The following PASD1 variants were observed in gnomAD, a reference collection of about 807,000 sequenced individuals.
The protein encoded by PASD1 is circadian clock protein PASD1.
A neutral mutation model predicts 58.8 loss-of-function variants in PASD1; 13 were observed. The ratio of observed to expected loss-of-function variants is 0.22; its 90% CI spans 0.14 to 0.35. The LOEUF is 0.35. Ranked by LOEUF, PASD1 falls within the 10% of genes least tolerant of loss-of-function variation. The pLI is 1.00. For missense variants in PASD1, 734 were observed against 568.3 expected (o/e 1.29, Z -2.96); for synonymous variants, 236 against 216.7 (o/e 1.09, Z -0.78).
At chrX:151,665,927 T>C (rs961235228) in intron 11 of PASD1, among the ~76,000 whole-genome samples, 3 of 106,819 alleles carry the variant, frequency 2.8e-5, no homozygotes, top group Non-Finnish European at 5.8e-5. Flanking sequence ...GTCTAATGAA[T>C]GTCTGCTTTC....
At chrX:151,571,601 G>A (rs752593831) in intron 1 of PASD1, among the ~76,000 whole-genome samples, 4 of 112,231 alleles carry the variant, frequency 3.6e-5, no homozygotes, top group African/African-American at 6.5e-5. Flanking sequence ...TCATCTGTCC[G>A]ACTCATGTCT....
chrX:151,589,324 A>G (rs988578703), intron 1 of PASD1, among the ~76,000 whole-genome samples: 15 of 111,749 alleles, frequency 1.3e-4, no homozygotes, highest in Admixed American at 5.7e-4. Context: ...GGCCCACTGC[A>G]TGGAGATTGG....
chrX:151,630,304 C>T (rs778198114), intron 8 of PASD1, among the ~76,000 whole-genome samples: 1 of 111,791 alleles, frequency 8.9e-6, no homozygotes, highest in South Asian at 3.8e-4. Flanking sequence ...GCCCACTAAC[C>T]TGAACTCTGT....
At chrX:151,588,925 C>G (rs2013207693) in intron 1 of PASD1, among the ~76,000 whole-genome samples, 1 of 111,971 alleles carries the variant, frequency 8.9e-6, no homozygotes, top group Non-Finnish European at 1.9e-5. Context: ...GCTGAAGATT[C>G]ATTCCAGCCA....
At chrX:151,642,891 A>G (rs938393891) in intron 8 of PASD1, among the ~76,000 whole-genome samples, 1 of 111,344 alleles carries the variant, frequency 9.0e-6, no homozygotes, top group African/African-American at 3.3e-5. Flanking sequence ...GGAACTTGCA[A>G]TGGGGAAAAG....
intron 8 of PASD1, among the ~76,000 whole-genome samples, chrX:151,647,278 A>G (rs1409162481): frequency 8.9e-6 from 1 of 111,913 alleles, no homozygotes; most frequent in Non-Finnish European, 1.9e-5. Context: ...AGGTACCAGC[A>G]TTTATGATGT....
At chrX:151,605,706 C>T (rs1372439255) in intron 3 of PASD1, among the ~76,000 whole-genome samples, 1 of 110,612 alleles carries the variant, frequency 9.0e-6, no homozygotes, top group East Asian at 2.8e-4. Flanking sequence ...CCAAGCAATT[C>T]CCCCAACTCA....
chrX:151,583,366 A>G (rs1456751354), intron 1 of PASD1, among the ~76,000 whole-genome samples: 2 of 111,947 alleles, frequency 1.8e-5, no homozygotes, highest in Non-Finnish European at 3.8e-5. Flanking sequence ...TATAAATCTA[A>G]ATTCACTAAC....
intron 1 of PASD1, among the ~76,000 whole-genome samples, chrX:151,596,488 C>G (rs1463080162): frequency 8.9e-6 from 1 of 112,391 alleles, no homozygotes; most frequent in African/African-American, 3.2e-5. Flanking sequence ...TCCAGCATTG[C>G]CTCTTTTTAA....
chrX:151,633,148 A>G (rs2124282329), intron 8 of PASD1, among the ~76,000 whole-genome samples: 1 of 111,098 alleles, frequency 9.0e-6, no homozygotes, highest in South Asian at 3.9e-4. Flanking sequence ...AAGCCAGTAC[A>G]TTTGAAACCT....
Position 151,671,754 on chromosome X carries a change from A to G in PASD1, c.1412A>G (p.Gln471Arg), listed in dbSNP as rs758863642. 1.7e-6 allele frequency: 2 copies of G among 1,206,722 alleles called. No homozygotes were observed. The highest frequency in any genetic ancestry group is 3.0e-5 in the East Asian group (1 of 33,745). The stretch of plus-strand genomic sequence containing the variant: ...TCTCTCAAAAACACTGGGGAGCTTC[A>G]GGAGCCTTGTGTTGCCTTCAACCAG... ...SNSLKNTGEL[Q>R]EPCVAFNQQQ... Residue 471 changes from glutamine to arginine, a missense_variant, in exon 13 of 16, where the codon CAG (glutamine) becomes CGG (arginine). By Grantham distance (43) the Gln-to-Arg change is conservative. Transcript: ENST00000370357.
chrX:151,610,279 T>C (rs760234308), intron 3 of PASD1, among the ~76,000 whole-genome samples: 43 of 111,707 alleles, frequency 3.8e-4, no homozygotes, highest in Non-Finnish European at 7.5e-4. Flanking sequence ...TTTCCTCAGC[T>C]CTTTCCAGCT....
chrX:151,573,580 A>G (rs1471672813), intron 1 of PASD1, among the ~76,000 whole-genome samples: 2 of 112,977 alleles, frequency 1.8e-5, no homozygotes, highest in African/African-American at 6.4e-5. Context: ...GGTAAAGGCA[A>G]TGTGCTGTGG....
chrX:151,676,181 G>T lies in PASD1; in HGVS notation c.*38G>T, dbSNP rs757844931. 4 of 1,185,208 alleles carry T rather than the reference G, an allele frequency of 3.4e-6. No individual in the cohort carries two copies. Among genetic ancestry groups the T allele is most frequent in the Non-Finnish European group, 4.5e-6 (4 of 879,161 alleles). On this transcript the variant is annotated 3_prime_UTR_variant, in exon 16 of 16. Coordinates refer to ENST00000370357, the MANE Select transcript of PASD1 (RefSeq NM_173493.3). The stretch of plus-strand genomic sequence containing the variant: ...GACCAGTGATGAGGGGAAATGGGGG[G>T]AGGGGGCAGGCCAATGAGGTCTGCA...
chrX:151,654,701 G>A (rs1012293531), intron 9 of PASD1, among the ~76,000 whole-genome samples: 1 of 111,682 alleles, frequency 9.0e-6, no homozygotes, highest in African/African-American at 3.3e-5. Flanking sequence ...CTTGACAAAA[G>A]TTTTGGTGGA....
At chrX:151,660,891 T>C (rs895469618) in intron 10 of PASD1, among the ~76,000 whole-genome samples, 1 of 112,326 alleles carries the variant, frequency 8.9e-6, no homozygotes, top group Non-Finnish European at 1.9e-5. Context: ...CGGTGGCTCA[T>C]GCCTGTAATC....
At chrX:151,663,883 C>A (rs766191455) in intron 10 of PASD1, among the ~76,000 whole-genome samples, 5 of 111,931 alleles carry the variant, frequency 4.5e-5, no homozygotes, top group Non-Finnish European at 9.4e-5. Flanking sequence ...CTAACAAATG[C>A]AGTGGGTTTA....
intron 10 of PASD1, among the ~76,000 whole-genome samples, chrX:151,663,881 T>G (rs964587970): frequency 2.7e-5 from 3 of 112,026 alleles, no homozygotes; most frequent in African/African-American, 9.7e-5. Context: ...CACTAACAAA[T>G]GCAGTGGGTT....
intron 8 of PASD1, among the ~76,000 whole-genome samples, chrX:151,630,843 T>A (rs2049554198): frequency 8.9e-6 from 1 of 112,646 alleles, no homozygotes; most frequent in Non-Finnish European, 1.9e-5. Flanking sequence ...AGGTTTAAGA[T>A]TTGAGGCTTA....
Sources: gnomAD v4.1 joint callset for allele counts (sites outside exome capture counted in the v4.1 genomes callset) on GRCh38, gnomAD v4.1.1 for gene constraint, MANE v1.5 for transcripts, NCBI Gene and HGNC (gene_info 2026-07-23, HGNC 2026-07-21) for gene names.